The following UBE2O variants were observed in gnomAD, a reference collection of about 807,000 sequenced individuals.
The protein encoded by UBE2O is ubiquitin conjugating enzyme E2 O.
UBE2O carries 15 observed loss-of-function variants against 125.8 expected under a neutral mutation model. That is an observed-to-expected ratio of 0.12 (90% CI 0.08 to 0.18). The LOEUF (loss-of-function observed/expected upper bound fraction) is 0.18. Among genes scored for constraint, UBE2O ranks in the 10% least tolerant of loss-of-function variants. UBE2O has a pLI of 1.00. For missense variants in UBE2O, 1,280 were observed against 1,723.6 expected (o/e 0.74, Z 4.56); for synonymous variants, 708 against 703.2 (o/e 1.01, Z -0.11).
intron 1 of UBE2O, among the ~76,000 whole-genome samples, chr17:76,435,821 G>A (rs1370996135): frequency 1.3e-5 from 2 of 152,146 alleles, no homozygotes; most frequent in African/African-American, 2.4e-5. Context: ...AGCCTGTCCC[G>A]CAAAGCTCAG....
At position 76,392,131 on chromosome 17, in the gene UBE2O, G is replaced by T; in HGVS notation, c.2947-18C>A. On this transcript the variant is annotated intron_variant, in intron 15 of 17. Transcript: ENST00000319380. ...AAGAGGTCCTAGGTAGGGAGGGAGGGAGGGAGGCCAAGGTTGGCAGGGGTG... is the reference window on the plus strand; with the variant it reads ...AAGAGGTCCTAGGTAGGGAGGGAGGTAGGGAGGCCAAGGTTGGCAGGGGTG... The T allele has an allele frequency of 4.9e-6, 5 of 1,026,646 alleles. No homozygotes were observed. Among genetic ancestry groups the T allele is most frequent in the Non-Finnish European group, 4.2e-6 (3 of 714,030 alleles). 63.6% of individuals were successfully genotyped at this position (1,026,646 alleles called of 1,614,324 possible).
rs1486796920 is a variant in UBE2O at position 76,396,089 on chromosome 17, AGGC to A, written c.2809+36_2809+38del. 1.3e-5 allele frequency: 20 copies of A among 1,596,114 alleles called. No homozygotes were observed. In the Middle Eastern group the frequency reaches 5.0e-4, roughly 40 times the overall value. ...GGTGACACAAACAGGAGCCCCGAGA[AGGC>A]GGGGGAAGGCGAAGACCAGGCAAGG... is the stretch of plus-strand genomic sequence containing the variant. On this transcript the variant is annotated intron_variant, in intron 14 of 17. Transcript: ENST00000319380. This position sits in a 1 kb window ranked among gnomAD's most constrained non-coding sequence, Gnocchi z 6.7.
chr17:76,407,194 C>T (rs1417676719), intron 1 of UBE2O, among the ~76,000 whole-genome samples: 1 of 152,154 alleles, frequency 6.6e-6, no homozygotes, highest in Admixed American at 6.5e-5. Context: ...AGTAGGTGCT[C>T]AGCAAGGTCG....
chr17:76,394,517 C>G (rs920252708), intron 15 of UBE2O, among the ~76,000 whole-genome samples: 3 of 152,178 alleles, frequency 2.0e-5, no homozygotes, highest in African/African-American at 7.2e-5. Context: ...CATTATGAAT[C>G]AACACAGGTT....
chr17:76,402,788 G>A lies in UBE2O; in HGVS notation c.589-89C>T. 3 of 1,108,516 alleles carry A rather than the reference G, an allele frequency of 2.7e-6. No homozygotes were observed. Among genetic ancestry groups the A allele is most frequent in the South Asian group, 2.5e-5 (2 of 79,342 alleles). 68.7% of individuals were successfully genotyped at this position (1,108,516 alleles called of 1,614,324 possible). A position where few individuals can be genotyped will look rare whatever the true frequency, so the allele number is the denominator to read the frequency against. ...TTCCTCTATGCCCCACCGAAGACAG[G>A]ATGGGGGAGGATCTAGACAGCTCAC... On this transcript the variant is annotated intron_variant, in intron 3 of 17. Transcript: ENST00000319380. This position sits in a 1 kb window ranked among gnomAD's most constrained non-coding sequence, Gnocchi z 5.4.
intron 1 of UBE2O, among the ~76,000 whole-genome samples, chr17:76,417,997 G>A (rs988539627): frequency 1.3e-5 from 2 of 152,106 alleles, no homozygotes; most frequent in African/African-American, 4.8e-5. Flanking sequence ...GTGGAGAAGT[G>A]GGCAGATGAG....
At chr17:76,432,914 A>G (rs549418007) in intron 1 of UBE2O, among the ~76,000 whole-genome samples, 1 of 152,350 alleles carries the variant, frequency 6.6e-6, no homozygotes, top group East Asian at 1.9e-4. Context: ...GGATGGCTAT[A>G]AACAAAGTGA....
intron 1 of UBE2O, among the ~76,000 whole-genome samples, chr17:76,426,426 T>C (rs960642976): frequency 6.6e-6 from 1 of 152,236 alleles, no homozygotes; most frequent in Non-Finnish European, 1.5e-5. Context: ...ATATAATTGT[T>C]TACTTTCATT....
intron 1 of UBE2O, among the ~76,000 whole-genome samples, chr17:76,412,153 A>G (rs1258077618): frequency 6.6e-6 from 1 of 152,160 alleles, no homozygotes; most frequent in Non-Finnish European, 1.5e-5. Context: ...GTCAGCTTGC[A>G]ATGGCTCCTG....
At chr17:76,449,104 G>A (rs947251572) in intron 1 of UBE2O, among the ~76,000 whole-genome samples, 4 of 152,234 alleles carry the variant, frequency 2.6e-5, no homozygotes, top group African/African-American at 9.6e-5. Context: ...TTTCATGAAG[G>A]CAGCAGGGAA....
intron 1 of UBE2O, among the ~76,000 whole-genome samples, chr17:76,446,202 G>A (rs2073147376): frequency 1.3e-5 from 2 of 152,202 alleles, no homozygotes; most frequent in Admixed American, 6.5e-5. Context: ...ATATCCTCCT[G>A]GGTGAAAACC....
chr17:76,447,215 G>A (rs1256716601), intron 1 of UBE2O, among the ~76,000 whole-genome samples: 2 of 152,216 alleles, frequency 1.3e-5, no homozygotes, highest in Non-Finnish European at 2.9e-5. Context: ...AATGATCTCT[G>A]AATCCTGAAC....
intron 1 of UBE2O, among the ~76,000 whole-genome samples, chr17:76,433,906 C>T (rs1478544069): frequency 6.6e-6 from 1 of 152,146 alleles, no homozygotes; most frequent in African/African-American, 2.4e-5. Context: ...GCGGTGCGCG[C>T]CTACAGGCCC....
chr17:76,416,337 C>T (rs1340173617), intron 1 of UBE2O, among the ~76,000 whole-genome samples: 3 of 152,106 alleles, frequency 2.0e-5, no homozygotes, highest in African/African-American at 4.8e-5. Context: ...ACTCTCAGGC[C>T]CCATCCCAGA....
intron 15 of UBE2O, among the ~76,000 whole-genome samples, chr17:76,393,797 T>TGG (rs1304911153): frequency 6.6e-6 from 1 of 152,048 alleles, no homozygotes; most frequent in Non-Finnish European, 1.5e-5. Flanking sequence ...CGCGTGTGTG[T>TGG]GGGATCTCAA....
At chr17:76,417,516 TC>T (rs773633267) in intron 1 of UBE2O, among the ~76,000 whole-genome samples, 2 of 152,194 alleles carry the variant, frequency 1.3e-5, no homozygotes, top group Non-Finnish European at 2.9e-5. Flanking sequence ...ATTAACCACC[TC>T]CTTGTTAATA....
At chr17:76,416,096 T>C (rs2072608355) in intron 1 of UBE2O, among the ~76,000 whole-genome samples, 1 of 151,538 alleles carries the variant, frequency 6.6e-6, no homozygotes, top group South Asian at 2.1e-4. Flanking sequence ...TACATACATG[T>C]ATATGCGTAT....
intron 1 of UBE2O, among the ~76,000 whole-genome samples, chr17:76,407,275 G>A (rs1293825654): frequency 6.6e-6 from 1 of 152,208 alleles, no homozygotes; most frequent in Non-Finnish European, 1.5e-5. Context: ...CCTTATCTCT[G>A]CTCCAAGACC....
chr17:76,438,832 T>G (rs1207083832), intron 1 of UBE2O, among the ~76,000 whole-genome samples: 3 of 151,764 alleles, frequency 2.0e-5, no homozygotes, highest in African/African-American at 7.2e-5. Flanking sequence ...TCATTTTGTG[T>G]GAGAAGTCAG....
Sources: gnomAD v4.1 joint callset for allele counts (sites outside exome capture counted in the v4.1 genomes callset) on GRCh38, gnomAD v4.1.1 for gene constraint, Gnocchi (gnomAD v3.1) non-coding constraint, MANE v1.5 for transcripts, NCBI Gene and HGNC (gene_info 2026-07-23, HGNC 2026-07-21) for gene names.